The following COL27A1 variants were observed in gnomAD, a reference collection of about 807,000 sequenced individuals.
COL27A1 encodes collagen alpha-1(XXVII) chain.
COL27A1 carries 106 observed loss-of-function variants against 251.3 expected under a neutral mutation model. The ratio of observed to expected loss-of-function variants is 0.42; its 90% confidence interval spans 0.36 to 0.50. The LOEUF is 0.50. Ranked by LOEUF, COL27A1 falls within the 20% of genes least tolerant of loss-of-function variation. COL27A1 has a pLI of 0.00. For missense variants in COL27A1, 2,325 were observed against 2,522.8 expected (o/e 0.92, Z 1.68); for synonymous variants, 1,000 against 986.3 (o/e 1.01, Z -0.26).
rs181690710 is a variant in COL27A1, at chr9:114,208,163, C to T, written c.2269-1512C>T. 2.0e-3 allele frequency among the ~76,000 whole-genome samples: 301 copies of T among 151,732 alleles called. 2 individuals are homozygous for T. The highest frequency in any genetic ancestry group is 7.0e-3 in the African/African-American group (288 of 41,054). ...GTAATAATACTTCCTCAGGGCTGGG[C>T]GCGGTGGCTCGTGCCTGTAATCCCA... is the stretch of plus-strand genomic sequence containing the variant. On this transcript the variant is annotated intron_variant, in intron 10 of 60. Transcript: ENST00000356083.
In COL27A1 at chr9:114,190,832, G is replaced by T. The variant is rs80067895; in HGVS notation, c.2017-3572G>T. ...TGCTCAAGGTCACACAGGCTCTGTC[G>T]TGGTCACACAAGCTCATTGGCTGGA... On this transcript the variant is annotated intron_variant, in intron 5 of 60. Transcript: ENST00000356083. Among the ~76,000 whole-genome samples, 1,196 of 152,318 alleles carry T rather than the reference G, an allele frequency of 7.9e-3. 13 individuals carry two copies. Among genetic ancestry groups the T allele is most frequent in the African/African-American group, 0.027 (1,139 of 41,554 alleles).
chr9:114,280,989 GT>G (rs1835866445), intron 37 of COL27A1, among the ~76,000 whole-genome samples: 1 of 152,186 alleles, frequency 6.6e-6, no homozygotes, highest in Non-Finnish European at 1.5e-5. Flanking sequence ...TGGTCCAGAT[GT>G]TTCCTTGTTC....
chr9:114,213,542 A>C (rs557341668), intron 12 of COL27A1, among the ~76,000 whole-genome samples: 1 of 152,342 alleles, frequency 6.6e-6, no homozygotes, highest in Non-Finnish European at 1.5e-5. Context: ...ACTGTAGCCA[A>C]AACAGACAAA....
At chr9:114,207,143 G>A (rs1830023421) in intron 10 of COL27A1, among the ~76,000 whole-genome samples, 1 of 152,226 alleles carries the variant, frequency 6.6e-6, no homozygotes, top group Admixed American at 6.5e-5. Context: ...TGCTCAGGAA[G>A]GGGGTCACAC....
chr9:114,263,219 G>A (rs1834478514), intron 28 of COL27A1, among the ~76,000 whole-genome samples: 1 of 152,160 alleles, frequency 6.6e-6, no homozygotes, highest in Non-Finnish European at 1.5e-5. Flanking sequence ...TTACAGGCGT[G>A]AGCCACTGTG....
chr9:114,243,739 G>A (rs578059579), intron 23 of COL27A1, among the ~76,000 whole-genome samples, 179 bp downstream of exon 23: 1 of 152,094 alleles, frequency 6.6e-6, no homozygotes, highest in Non-Finnish European at 1.5e-5. Flanking sequence ...GTGTCCAACT[G>A]TGGGGGATTG....
intron 3 of COL27A1, among the ~76,000 whole-genome samples, chr9:114,176,493 G>A (rs539753230): frequency 6.6e-6 from 1 of 152,068 alleles, no homozygotes; most frequent in East Asian, 1.9e-4. Flanking sequence ...AAAAAGGCTT[G>A]GAGCCTGGAA....
At chr9:114,220,276 G>T (rs1830995695) in intron 13 of COL27A1, among the ~76,000 whole-genome samples, 1 of 152,200 alleles carries the variant, frequency 6.6e-6, no homozygotes, top group Non-Finnish European at 1.5e-5. Flanking sequence ...TCCACCACAG[G>T]CATGTTTATA....
intron 7 of COL27A1, among the ~76,000 whole-genome samples, chr9:114,198,180 A>C (rs978868923): frequency 6.6e-6 from 1 of 152,226 alleles, no homozygotes; most frequent in Non-Finnish European, 1.5e-5. Flanking sequence ...AACACAGATA[A>C]TCCTATTTAT....
intron 37 of COL27A1, 71 bp from the exon 38 acceptor site, chr9:114,282,206 G>T: frequency 7.0e-7 from 1 of 1,427,070 alleles, no homozygotes; most frequent in Non-Finnish European, 9.9e-7. Context: ...CAGTCTGACC[G>T]CCTTGCGGAT....
Position 114,306,513 on chromosome 9 carries a change from G to C in COL27A1, c.4939-7G>C. Reference sequence around the variant, plus strand: ...AGGTCCCAATGACCACCCTCTCCTCGTGACAGAGTTACAGCTATCCAGACC... The same window carrying C: ...AGGTCCCAATGACCACCCTCTCCTCCTGACAGAGTTACAGCTATCCAGACC... On this transcript the variant is annotated splice_polypyrimidine_tract_variant and splice_region_variant and intron_variant, in intron 57 of 60. Transcript: ENST00000356083. The C allele has an allele frequency of 6.2e-7, 1 of 1,613,752 alleles. No homozygotes were observed. The highest frequency in any genetic ancestry group is 8.5e-7 in the Non-Finnish European group (1 of 1,179,944).
At chr9:114,300,570 G>A (rs1156301094) in intron 50 of COL27A1, 55 bp from the exon 51 acceptor site, 5 of 1,428,456 alleles carry the variant, frequency 3.5e-6, no homozygotes, top group Non-Finnish European at 3.8e-6. Flanking sequence ...GAGCTGTGGG[G>A]GCCCTTTACC....
chr9:114,170,663 G>A (rs910401007), intron 3 of COL27A1, among the ~76,000 whole-genome samples: 2 of 152,162 alleles, frequency 1.3e-5, no homozygotes, highest in African/African-American at 4.8e-5. Flanking sequence ...CCATATTGTC[G>A]AACTTATGGA....
Position 114,290,672 on chromosome 9 carries a change from AC to A in COL27A1, c.4369-137del. Reference sequence around the variant, plus strand: ...TCCTCCTGGTCCAGCCACATCACACACAGGCCGTCTGACCTCCATCCTGGAG... The same window carrying A: ...TCCTCCTGGTCCAGCCACATCACACAAGGCCGTCTGACCTCCATCCTGGAG... On this transcript the variant is annotated intron_variant, in intron 47 of 60. Coordinates refer to ENST00000356083, the MANE Select transcript of COL27A1 (RefSeq NM_032888.4). The surrounding 1 kb of genome is among the most constrained non-coding windows in gnomAD (Gnocchi z 4.6). 1 of 662,078 alleles carries A rather than the reference AC, an allele frequency of 1.5e-6. No homozygotes were observed. Among genetic ancestry groups the A allele is most frequent in the Non-Finnish European group, 2.6e-6 (1 of 382,746 alleles). The allele number at this position is 662,078 out of a possible 1,614,324, so 41.0% of individuals were successfully genotyped here. A position where few individuals can be genotyped will look rare whatever the true frequency, so the allele number is the denominator to read the frequency against.
chr9:114,166,695 A>G (rs1203246781), intron 2 of COL27A1, among the ~76,000 whole-genome samples: 1 of 152,106 alleles, frequency 6.6e-6, no homozygotes, highest in Non-Finnish European at 1.5e-5. Flanking sequence ...CTTTGCCAAC[A>G]CTGGCAGCTC....
rs1848103375 is a variant in COL27A1 at position 114,156,088 on chromosome 9, CATG to C, written c.62+77_62+79del. On this transcript the variant is annotated intron_variant, in intron 1 of 60. Coordinates refer to ENST00000356083, the MANE Select transcript of COL27A1 (RefSeq NM_032888.4). ...CTCGGGGAGGGCCGGGGTTCCCCGC[CATG>C]CGGTCGCTTCCAGCGGAACGTCAGC... The C allele has an allele frequency of 6.2e-6, 8 of 1,289,322 alleles. No homozygotes were observed. The African/African-American group carries it at 1.2e-4, about 20-fold the overall frequency. 79.9% of individuals were successfully genotyped at this position (1,289,322 alleles called of 1,614,324 possible). A position where few individuals can be genotyped will look rare whatever the true frequency, so the allele number is the denominator to read the frequency against.
chr9:114,252,032 C>G (rs567444493), intron 25 of COL27A1, among the ~76,000 whole-genome samples: 1 of 152,206 alleles, frequency 6.6e-6, no homozygotes, highest in Non-Finnish European at 1.5e-5. Context: ...CAGAGCCTCA[C>G]GAAAACAGAG....
intron 1 of COL27A1, among the ~76,000 whole-genome samples, chr9:114,160,926 G>A (rs1564407938): frequency 6.6e-6 from 1 of 152,176 alleles, no homozygotes; most frequent in Non-Finnish European, 1.5e-5. Flanking sequence ...GCTGGAGAAG[G>A]CGTTCAGGGG....
intron 37 of COL27A1, among the ~76,000 whole-genome samples, chr9:114,280,401 C>G (rs1308580032): frequency 6.6e-6 from 1 of 152,142 alleles, no homozygotes; most frequent in Non-Finnish European, 1.5e-5. Flanking sequence ...CAGCATTTTG[C>G]CATGTTGGCC....
Sources: gnomAD v4.1 joint callset for allele counts (sites outside exome capture counted in the v4.1 genomes callset) on GRCh38, gnomAD v4.1.1 for gene constraint, Gnocchi (gnomAD v3.1) non-coding constraint, MANE v1.5 for transcripts, NCBI Gene and HGNC (gene_info 2026-07-23, HGNC 2026-07-21) for gene names.